The following GLB1 variants were observed in gnomAD, a reference collection of about 807,000 sequenced individuals.
GLB1 encodes beta-galactosidase.
GLB1 carries 56 observed loss-of-function variants against 74.0 expected under a neutral mutation model. That is an observed-to-expected ratio of 0.76 (90% CI 0.61 to 0.94). The LOEUF (loss-of-function observed/expected upper bound fraction) is 0.94. Among genes scored for constraint, GLB1 ranks in the 40% least tolerant of loss-of-function variants. The pLI, the probability that GLB1 is intolerant of heterozygous loss-of-function variation, is 0.00. For synonymous variants in GLB1, 323 were observed against 323.6 expected (o/e 1.00, Z 0.02); for missense variants, 787 against 845.5 (o/e 0.93, Z 0.86).
chr3:33,061,146 C>T (rs2125537228), intron 5 of GLB1, among the ~76,000 whole-genome samples: 1 of 152,296 alleles, frequency 6.6e-6, no homozygotes, highest in East Asian at 1.9e-4. Flanking sequence ...CGTGGTGGCT[C>T]ACGCCTGTAA....
At chr3:33,043,802 G>GATACCTCAGAAAAATACCAAGCAAAAGA (rs1553609477) in intron 10 of GLB1, among the ~76,000 whole-genome samples, 133 of 134,794 alleles carry the variant, frequency 9.9e-4, no homozygotes, top group East Asian at 1.9e-3. Flanking sequence ...CCAAGCAAAA[G>GATACCTCAGAAAAATACCAAGCAAAAGA]TATGCAGGTA....
intron 10 of GLB1, chr3:33,045,185 TG>T (rs1698689659): frequency 3.3e-6 from 1 of 304,108 alleles, no homozygotes; most frequent in South Asian, 1.3e-4. Flanking sequence ...CACAACCAGA[TG>T]CTGTAATCCC....
At chr3:32,966,780 A>G in the GLB1 span, among the ~76,000 whole-genome samples, 1 of 152,144 alleles carries the variant, frequency 6.6e-6, no homozygotes, top group Non-Finnish European at 1.5e-5. Context: ...GGGTTTTCCC[A>G]TGTTGTTCTC....
intron 10 of GLB1, chr3:33,030,537 T>C: frequency 1.0e-6 from 1 of 985,462 alleles, no homozygotes; most frequent in Non-Finnish European, 1.2e-6. Context: ...TGTCTGCGTA[T>C]CAAGCCAATG....
At chr3:33,085,120 A>G (rs1317419150) in intron 1 of GLB1, among the ~76,000 whole-genome samples, 6 of 152,124 alleles carry the variant, frequency 3.9e-5, no homozygotes, top group Non-Finnish European at 8.8e-5. Context: ...AAAAATAAAC[A>G]AAAGTTAGCT....
intron 1 of GLB1, among the ~76,000 whole-genome samples, chr3:33,087,091 T>C (rs1289294156): frequency 6.6e-6 from 1 of 151,722 alleles, no homozygotes; most frequent in South Asian, 2.1e-4. Context: ...GGGGACATTA[T>C]AACTGATGAC....
At chr3:33,023,885 A>G (rs969480398) in intron 11 of GLB1, among the ~76,000 whole-genome samples, 1 of 152,214 alleles carries the variant, frequency 6.6e-6, no homozygotes, top group Non-Finnish European at 1.5e-5. Flanking sequence ...AACTCCTAAA[A>G]AAGGTAAATA....
chr3:33,016,646 T>C, intron 14 of GLB1, 63 bp downstream of exon 14: 3 of 1,606,814 alleles, frequency 1.9e-6, no homozygotes, highest in Non-Finnish European at 2.6e-6. Context: ...GCCACTGTAC[T>C]GGGCTTCAAC....
At chr3:33,060,080 A>G (rs1699382966) in intron 5 of GLB1, among the ~76,000 whole-genome samples, 1 of 152,206 alleles carries the variant, frequency 6.6e-6, no homozygotes, top group African/African-American at 2.4e-5. Flanking sequence ...AATTTCATCC[A>G]CGTGCAGAGT....
At chr3:32,986,520 C>G in the GLB1 span, among the ~76,000 whole-genome samples, 1 of 152,110 alleles carries the variant, frequency 6.6e-6, no homozygotes, top group African/African-American at 2.4e-5. Flanking sequence ...TCAACACTGC[C>G]CATCCCCGTC....
intron 1 of GLB1, chr3:33,091,993 C>G (rs1700783339): frequency 1.0e-6 from 1 of 983,824 alleles, no homozygotes; most frequent in Admixed American, 6.2e-5. Context: ...TGCCTGTGCC[C>G]TATCTCTCTT....
At chr3:33,068,404 G>A in intron 3 of GLB1, 114 bp from the exon 4 acceptor site, 1 of 1,402,034 alleles carries the variant, frequency 7.1e-7, no homozygotes, top group African/African-American at 1.4e-5. Context: ...GGGACAAGGG[G>A]TATTTGAGCT....
At chr3:32,973,446 G>A in the GLB1 span, among the ~76,000 whole-genome samples, 9 of 152,046 alleles carry the variant, frequency 5.9e-5, no homozygotes, top group African/African-American at 1.9e-4. Context: ...CAATTCTCAT[G>A]CCTCAGCCTC....
At chr3:33,058,818 T>C (rs975107535) in intron 5 of GLB1, among the ~76,000 whole-genome samples, 2 of 147,136 alleles carry the variant, frequency 1.4e-5, no homozygotes, top group African/African-American at 4.9e-5. Context: ...TAATATACTA[T>C]GCAAAATCTC....
intron 10 of GLB1, among the ~76,000 whole-genome samples, chr3:33,028,131 T>C (rs1559389349): frequency 6.6e-6 from 1 of 152,172 alleles, no homozygotes; most frequent in South Asian, 2.1e-4. Flanking sequence ...CTCGAACTCC[T>C]GAACTCAAGC....
intron 9 of GLB1, among the ~76,000 whole-genome samples, chr3:33,049,077 G>A (rs867530474): frequency 6.6e-6 from 1 of 152,108 alleles, no homozygotes; most frequent in Non-Finnish European, 1.5e-5. Flanking sequence ...AAGTATAACA[G>A]TAAGATTTTT....
chr3:33,012,481 G>T (rs558325000), intron 15 of GLB1, among the ~76,000 whole-genome samples: 1 of 152,266 alleles, frequency 6.6e-6, no homozygotes, highest in Non-Finnish European at 1.5e-5. Flanking sequence ...GACATAGAGG[G>T]TGCTGTCTAT....
chr3:33,048,808 C>T (rs189496782), intron 9 of GLB1, among the ~76,000 whole-genome samples: 23 of 152,282 alleles, frequency 1.5e-4, no homozygotes, highest in South Asian at 2.1e-4. Context: ...GAGTTCCAGT[C>T]CAAGCTTCAC....
chr3:33,074,182 T>TA (rs35849739), intron 1 of GLB1, among the ~76,000 whole-genome samples: 2 of 146,360 alleles, frequency 1.4e-5, no homozygotes, highest in African/African-American at 2.5e-5. Context: ...TACCAAAAAT[T>TA]AAAAAAAAAA....
Sources: gnomAD v4.1 joint callset for allele counts (sites outside exome capture counted in the v4.1 genomes callset) on GRCh38, gnomAD v4.1.1 for gene constraint, MANE v1.5 for transcripts, NCBI Gene and HGNC (gene_info 2026-07-23, HGNC 2026-07-21) for gene names.